The following PPEF2 variants were observed in gnomAD, a reference collection of about 807,000 sequenced individuals.
PPEF2 encodes the protein serine/threonine-protein phosphatase with EF-hands 2.
In PPEF2, 84 loss-of-function variants were observed where a neutral mutation model predicts 84.7. The ratio of observed to expected loss-of-function variants is 0.99; its 90% CI spans 0.83 to 1.19. PPEF2 has a LOEUF of 1.19. Ranked by LOEUF, PPEF2 falls within the 50% of genes most tolerant of loss-of-function variation. The pLI, the probability that PPEF2 is intolerant of heterozygous loss-of-function variation, is 0.00. For missense variants in PPEF2, 924 were observed against 937.5 expected (o/e 0.99, Z 0.19); for synonymous variants, 346 against 345.2 (o/e 1.00, Z -0.03).
At position 75,891,859 on chromosome 4, in the gene PPEF2, G is replaced by C. The variant is rs751535777; in HGVS notation, c.175C>G (p.Gln59Glu). The change falls in exon 3 of 17, where the codon CAA becomes GAA. Residue 59 changes from glutamine (Q) to glutamate (E), a missense_variant. Coordinates refer to ENST00000286719, the MANE Select transcript of PPEF2 (RefSeq NM_006239.3). ...CCCACATCTCATTGTACCTTGACTTGGTCTTGCTGCCCAGCATATTCTATA... is the reference window on the plus strand; with the variant it reads ...CCCACATCTCATTGTACCTTGACTTCGTCTTGCTGCCCAGCATATTCTATA... ...QSIEYAGQQD[Q>E]VKLHDFFSYL... is the part of the protein sequence containing the mutation. The C allele has an allele frequency of 3.7e-6, 6 of 1,611,830 alleles. No individual in the cohort carries two copies. In the South Asian group the frequency reaches 4.4e-5, roughly 12 times the overall value.
At chr4:75,901,076 T>A (rs912855961) in intron 1 of PPEF2, among the ~76,000 whole-genome samples, 27 of 152,344 alleles carry the variant, frequency 1.8e-4, no homozygotes, top group Admixed American at 2.6e-4. Context: ...GCTTTTGTAA[T>A]TAAAAATCAA....
rs1292241346 is a variant in PPEF2, at chr4:75,883,094, AC to A, written c.784-20del. 1.9e-6 allele frequency: 3 copies of A among 1,613,780 alleles called. No individual in the cohort carries two copies. Among genetic ancestry groups the A allele is most frequent in the Non-Finnish European group, 2.5e-6 (3 of 1,179,848 alleles). ...CGTGTACCTGGAAAAAATGATATAAACAAAATGTTATCAAATAATTCACTCA... is the reference window on the plus strand; with the variant it reads ...CGTGTACCTGGAAAAAATGATATAAAAAAATGTTATCAAATAATTCACTCA... On this transcript the variant is annotated intron_variant, in intron 9 of 16. Transcript: ENST00000286719.
At chr4:75,892,360 G>A (rs971260159) in intron 2 of PPEF2, among the ~76,000 whole-genome samples, 3 of 152,110 alleles carry the variant, frequency 2.0e-5, no homozygotes, top group Non-Finnish European at 4.4e-5. Flanking sequence ...TGCGGGGGTG[G>A]GGTGGACATT....
chr4:75,895,883 T>TA (rs1427840134), intron 2 of PPEF2, among the ~76,000 whole-genome samples: 11 of 146,324 alleles, frequency 7.5e-5, no homozygotes, highest in South Asian at 2.1e-4. Flanking sequence ...GCCTATTGTT[T>TA]TAAAAAAAAA....
At chr4:75,878,790 T>A (rs1724492927) in intron 10 of PPEF2, among the ~76,000 whole-genome samples, 1 of 152,232 alleles carries the variant, frequency 6.6e-6, no homozygotes, top group South Asian at 2.1e-4. Context: ...TTTATTATTA[T>A]ATTTTTTTAG....
chr4:75,860,596 AAGGG>A lies in PPEF2; in HGVS notation c.*67_*70del. ...CAGCATAAAGTTTCACATGGAGAAT[AAGGG>A]AGATAGTCTAGTGAGAAGCTGAGCA... On this transcript the variant is annotated 3_prime_UTR_variant, in exon 17 of 17. Transcript: ENST00000286719. The A allele has an allele frequency of 1.9e-6, 3 of 1,566,632 alleles. No individual in the cohort carries two copies. Among genetic ancestry groups the A allele is most frequent in the Non-Finnish European group, 1.7e-6 (2 of 1,147,024 alleles).
chr4:75,897,123 G>T (rs1725028294), intron 1 of PPEF2, among the ~76,000 whole-genome samples: 1 of 152,064 alleles, frequency 6.6e-6, no homozygotes, highest in South Asian at 2.1e-4. Flanking sequence ...AAAGTGCTGG[G>T]ATTACAGGCG....
intron 9 of PPEF2, 26 bp downstream of exon 9, chr4:75,883,140 A>C: frequency 6.2e-7 from 1 of 1,613,908 alleles, no homozygotes; most frequent in South Asian, 1.1e-5. Context: ...AACTGAGAGA[A>C]ACTTTTGTCT....
intron 13 of PPEF2, among the ~76,000 whole-genome samples, chr4:75,870,813 ATTCT>A (rs1375337264): frequency 1.3e-5 from 2 of 152,148 alleles, no homozygotes; most frequent in Non-Finnish European, 2.9e-5. Flanking sequence ...ACCCATATAA[ATTCT>A]TTATAACATT....
At chr4:75,884,471 G>T in intron 8 of PPEF2, 123 bp downstream of exon 8, 1 of 1,203,708 alleles carries the variant, frequency 8.3e-7, no homozygotes. Flanking sequence ...TGTGTATTCT[G>T]CTTTTTAAAA....
chr4:75,872,955 A>G (rs933152228), intron 12 of PPEF2, among the ~76,000 whole-genome samples, 172 bp downstream of exon 12: 1 of 152,238 alleles, frequency 6.6e-6, no homozygotes, highest in African/African-American at 2.4e-5. Context: ...TAAAGAGGAC[A>G]TAAGAGTCAA....
At chr4:75,891,365 T>C (rs1724877433) in intron 4 of PPEF2, among the ~76,000 whole-genome samples, 1 of 152,116 alleles carries the variant, frequency 6.6e-6, no homozygotes, top group Non-Finnish European at 1.5e-5. Context: ...ACTGAGTTGC[T>C]GGACTGGCTG....
At chr4:75,897,047 G>T (rs1452514045) in intron 1 of PPEF2, among the ~76,000 whole-genome samples, 1 of 152,070 alleles carries the variant, frequency 6.6e-6, no homozygotes, top group African/African-American at 2.4e-5. Context: ...TAGAGACGGG[G>T]TTTCGCTGTG....
chr4:75,883,532 A>AG (rs1211328171), intron 8 of PPEF2: 78 of 261,548 alleles, frequency 3.0e-4, no homozygotes, highest in Middle Eastern at 1.4e-3. Flanking sequence ...TAAAAAAAAA[A>AG]TCTGGGCTGG....
chr4:75,881,883 T>C (rs895249853), intron 10 of PPEF2: 1 of 152,210 alleles, frequency 6.6e-6, no homozygotes, highest in Non-Finnish European at 1.5e-5. Flanking sequence ...TAGACTTTCA[T>C]ATCCATATCC....
intron 1 of PPEF2, among the ~76,000 whole-genome samples, chr4:75,899,114 G>T (rs1298827630): frequency 6.6e-6 from 1 of 152,134 alleles, no homozygotes; most frequent in African/African-American, 2.4e-5. Context: ...CGCAGTATTT[G>T]TCTTTCTGTG....
chr4:75,883,138 G>A (rs1560484862), intron 9 of PPEF2, 28 bp downstream of exon 9: 7 of 1,613,812 alleles, frequency 4.3e-6, no homozygotes, highest in Non-Finnish European at 5.9e-6. Context: ...TGAACTGAGA[G>A]AAACTTTTGT....
At chr4:75,899,571 T>C (rs1237700126) in intron 1 of PPEF2, among the ~76,000 whole-genome samples, 1 of 152,210 alleles carries the variant, frequency 6.6e-6, no homozygotes, top group Non-Finnish European at 1.5e-5. Flanking sequence ...GTTGTGATAC[T>C]GGGGATTATC....
intron 11 of PPEF2, among the ~76,000 whole-genome samples, 185 bp downstream of exon 11, chr4:75,876,102 C>T (rs964660586): frequency 1.3e-5 from 2 of 152,246 alleles, no homozygotes; most frequent in Non-Finnish European, 2.9e-5. Context: ...AACAGCCACA[C>T]ATCCCCATCT....
Sources: allele counts gnomAD v4.1 joint callset (sites outside exome capture counted in the v4.1 genomes callset), GRCh38; gene constraint gnomAD v4.1.1; transcripts MANE v1.5; gene names NCBI Gene and HGNC (gene_info 2026-07-23, HGNC 2026-07-21).